Variants in PRKAR2B observed in about 807,000 individuals in gnomAD.
PRKAR2B encodes the protein cAMP-dependent protein kinase type II-beta regulatory subunit.
A neutral mutation model predicts 49.9 loss-of-function variants in PRKAR2B; 14 were observed. The ratio of observed to expected loss-of-function variants is 0.28; its 90% CI spans 0.19 to 0.44. The LOEUF (loss-of-function observed/expected upper bound fraction) is 0.44. PRKAR2B is among the 20% of genes least tolerant of loss of function. The pLI, the probability that PRKAR2B is intolerant of heterozygous loss-of-function variation, is 1.00. For missense variants in PRKAR2B, 393 were observed against 537.9 expected (o/e 0.73, Z 2.67); for synonymous variants, 196 against 197.7 (o/e 0.99, Z 0.07).
At chr7:107,115,118 T>C (rs1795247154) in intron 2 of PRKAR2B, among the ~76,000 whole-genome samples, 1 of 144,988 alleles carries the variant, frequency 6.9e-6, no homozygotes, top group African/African-American at 2.9e-5. Flanking sequence ...AGAACCTACC[T>C]AAATAAAGGT....
chr7:107,045,532 C>T (rs780878894), intron 1 of PRKAR2B, among the ~76,000 whole-genome samples: 1 of 152,186 alleles, frequency 6.6e-6, no homozygotes, highest in African/African-American at 2.4e-5. Flanking sequence ...AGACAACTTT[C>T]GCTGTGGTTG....
intron 4 of PRKAR2B, among the ~76,000 whole-genome samples, chr7:107,130,266 G>A (rs151223871): frequency 0.045 from 6,916 of 152,150 alleles, 199 homozygotes; most frequent in African/African-American, 0.064. Flanking sequence ...TTGGGAGGCC[G>A]AGGTGGGTGG....
At chr7:107,056,611 G>C (rs894566014) in intron 1 of PRKAR2B, among the ~76,000 whole-genome samples, 9 of 152,052 alleles carry the variant, frequency 5.9e-5, no homozygotes, top group Non-Finnish European at 2.9e-5. Flanking sequence ...ATTTGGCTCT[G>C]TGTTTGTCTG....
chr7:107,047,129 C>G (rs541693050), intron 1 of PRKAR2B, among the ~76,000 whole-genome samples: 1 of 152,150 alleles, frequency 6.6e-6, no homozygotes, highest in Non-Finnish European at 1.5e-5. Context: ...TACTCCCTAG[C>G]CTCACCCCCA....
chr7:107,106,780 C>G (rs1348880207), intron 2 of PRKAR2B, among the ~76,000 whole-genome samples: 1 of 151,972 alleles, frequency 6.6e-6, no homozygotes, highest in Non-Finnish European at 1.5e-5. Flanking sequence ...TGGCAGGACC[C>G]CCCTCAGAAT....
intron 1 of PRKAR2B, among the ~76,000 whole-genome samples, chr7:107,062,311 T>TGAATATTTAGAAGAATATTAAA (rs1158759693): frequency 1.4e-4 from 22 of 152,350 alleles, no homozygotes; most frequent in Non-Finnish European, 2.2e-4. Flanking sequence ...AACAAAGGGT[T>TGAATATTTAGAAGAATATTAAA]GAATATTTAG....
At position 107,070,316 on chromosome 7, in the gene PRKAR2B, G is replaced by T; in HGVS notation, c.343G>T (p.Val115Leu). ...VINRFTRRAS[V>L]CAEAYNPDEE... ...AAACCGATTCACAAGGCGTGCCTCA[G>T]GTAAGTCTGATTATATTATGGATTT... Residue 115 changes from valine to leucine, a missense_variant and splice_region_variant, in exon 2 of 11, where the codon GTA becomes TTA. This residue lies in a region of PRKAR2B where 233 missense variants were observed against 390.4 expected (regional missense o/e 0.60). Coordinates refer to ENST00000265717, the MANE Select transcript of PRKAR2B (RefSeq NM_002736.3). The T allele has an allele frequency of 6.2e-7, 1 of 1,602,172 alleles. No homozygotes were observed. The highest frequency in any genetic ancestry group is 8.5e-7 in the Non-Finnish European group (1 of 1,171,080).
At chr7:107,146,281 A>G (rs746132807) in intron 5 of PRKAR2B, 27 bp from the exon 6 acceptor site, 1 of 1,588,444 alleles carries the variant, frequency 6.3e-7, no homozygotes, top group South Asian at 1.1e-5. Context: ...TATTTGAATT[A>G]ACCTCCAATC....
At chr7:107,097,167 G>A (rs191058656) in intron 2 of PRKAR2B, among the ~76,000 whole-genome samples, 1 of 152,128 alleles carries the variant, frequency 6.6e-6, no homozygotes, top group Non-Finnish European at 1.5e-5. Flanking sequence ...AGGTCACTAA[G>A]GACTTGCTTT....
At chr7:107,095,650 A>G (rs969815069) in intron 2 of PRKAR2B, among the ~76,000 whole-genome samples, 1 of 152,170 alleles carries the variant, frequency 6.6e-6, no homozygotes, top group African/African-American at 2.4e-5. Context: ...TGTCCTAGAT[A>G]GCTCTTATTA....
At chr7:107,130,922 A>C (rs1795595422) in intron 4 of PRKAR2B, among the ~76,000 whole-genome samples, 1 of 152,196 alleles carries the variant, frequency 6.6e-6, no homozygotes, top group Non-Finnish European at 1.5e-5. Flanking sequence ...TTCAGAGGTC[A>C]CCAAAAACAG....
At chr7:107,142,227 A>G (rs1336043859) in intron 5 of PRKAR2B, among the ~76,000 whole-genome samples, 1 of 152,138 alleles carries the variant, frequency 6.6e-6, no homozygotes, top group African/African-American at 2.4e-5. Context: ...TGTGGGTGGT[A>G]TCTTTCATGC....
At chr7:107,096,482 T>G (rs10230342) in intron 2 of PRKAR2B, among the ~76,000 whole-genome samples, 4,618 of 152,134 alleles carry the variant, frequency 0.03, 231 homozygotes, top group African/African-American at 0.1. Flanking sequence ...TTTTTTTTTT[T>G]GAAGGGTTTT....
At chr7:107,056,008 G>C (rs1037876229) in intron 1 of PRKAR2B, among the ~76,000 whole-genome samples, 1 of 152,150 alleles carries the variant, frequency 6.6e-6, no homozygotes, top group African/African-American at 2.4e-5. Flanking sequence ...TGTAAGGAAG[G>C]GATCCAGTTT....
chr7:107,144,460 T>C lies in PRKAR2B; in HGVS notation c.588-1848T>C, dbSNP rs560923963. Among the ~76,000 whole-genome samples, 3 of 152,160 alleles carry C rather than the reference T, an allele frequency of 2.0e-5. No homozygotes were observed. In the East Asian group the frequency reaches 5.8e-4, roughly 29 times the overall value. On this transcript the variant is annotated intron_variant, in intron 5 of 10. Coordinates refer to ENST00000265717, the MANE Select transcript of PRKAR2B (RefSeq NM_002736.3). ...TTCTTTATTATTAATAATCCTTTTC[T>C]TTCTTTTTTGGAGGGGCAGGGAGAG... is the stretch of plus-strand genomic sequence containing the variant.
intron 2 of PRKAR2B, among the ~76,000 whole-genome samples, chr7:107,105,402 C>T (rs1795052567): frequency 6.6e-6 from 1 of 152,130 alleles, no homozygotes; most frequent in Non-Finnish European, 1.5e-5. Context: ...TAAGCAAGAA[C>T]CTGTGGAAAA....
intron 2 of PRKAR2B, among the ~76,000 whole-genome samples, chr7:107,103,612 C>T (rs75392150): frequency 6.6e-6 from 1 of 152,220 alleles, no homozygotes; most frequent in Non-Finnish European, 1.5e-5. Flanking sequence ...GTGAGACAGT[C>T]ACAGAGGCAC....
At chr7:107,089,400 T>C (rs1021387662) in intron 2 of PRKAR2B, among the ~76,000 whole-genome samples, 3 of 152,304 alleles carry the variant, frequency 2.0e-5, no homozygotes, top group Non-Finnish European at 4.4e-5. Context: ...TGGATTTATC[T>C]TCCTAACCAG....
chr7:107,147,640 T>A (rs1795917068), intron 6 of PRKAR2B, among the ~76,000 whole-genome samples: 1 of 152,222 alleles, frequency 6.6e-6, no homozygotes, highest in African/African-American at 2.4e-5. Context: ...GCATTTCTCA[T>A]CAGCTCCCAG....
Sources: gnomAD v4.1 joint callset for allele counts (sites outside exome capture counted in the v4.1 genomes callset) on GRCh38, gnomAD v4.1.1 for gene constraint, gnomAD v4.1.1 regional missense constraint, MANE v1.5 for transcripts, NCBI Gene and HGNC (gene_info 2026-07-23, HGNC 2026-07-21) for gene names.